The following RBM20 variants were observed in gnomAD, a reference collection of about 807,000 sequenced individuals.
The protein encoded by RBM20 is RNA binding motif protein 20.
A neutral mutation model predicts 110.1 loss-of-function variants in RBM20; 51 were observed. The ratio of observed to expected loss-of-function variants is 0.46; its 90% CI spans 0.37 to 0.59. The LOEUF (loss-of-function observed/expected upper bound fraction) is 0.59. Among genes scored for constraint, RBM20 ranks in the 20% least tolerant of loss-of-function variants. The pLI is 0.00. For missense variants in RBM20, 1,512 were observed against 1,574.9 expected, an observed-to-expected ratio of 0.96 and a Z score of 0.68; for synonymous variants, 589 against 618.2, an observed-to-expected ratio of 0.95 and a Z score of 0.70.
intron 1 of RBM20, among the ~76,000 whole-genome samples, chr10:110,670,144 A>C (rs1862237358): frequency 6.6e-6 from 1 of 152,016 alleles, no homozygotes; most frequent in African/African-American, 2.4e-5. Flanking sequence ...ACAGTTTGTT[A>C]AAGTGGTATC....
intron 1 of RBM20, among the ~76,000 whole-genome samples, chr10:110,685,046 GTGT>G (rs762148644): frequency 6.6e-6 from 1 of 152,226 alleles, no homozygotes; most frequent in Non-Finnish European, 1.5e-5. Flanking sequence ...GCGGTAGAGA[GTGT>G]TGTTTGCGCA....
intron 1 of RBM20, among the ~76,000 whole-genome samples, chr10:110,699,260 CTTTTTT>C (rs5787867): frequency 1.6e-5 from 2 of 123,352 alleles, no homozygotes; most frequent in African/African-American, 3.1e-5. Flanking sequence ...AAAGTGCATT[CTTTTTT>C]TTTTTTTTTT....
chr10:110,715,851 C>A (rs140142568), intron 1 of RBM20, among the ~76,000 whole-genome samples: 59 of 152,268 alleles, frequency 3.9e-4, no homozygotes, highest in Middle Eastern at 3.4e-3. Context: ...GATAGCATCA[C>A]GTCTACTCAC....
At chr10:110,669,597 T>TA (rs1862230834) in intron 1 of RBM20, among the ~76,000 whole-genome samples, 1 of 152,212 alleles carries the variant, frequency 6.6e-6, no homozygotes, top group Non-Finnish European at 1.5e-5. Flanking sequence ...CAGTACTTTT[T>TA]AAAAAATGGA....
intron 1 of RBM20, among the ~76,000 whole-genome samples, chr10:110,733,801 C>T (rs1564829015): frequency 1.3e-5 from 2 of 152,158 alleles, no homozygotes; most frequent in African/African-American, 2.4e-5. Context: ...TAAAGATAAT[C>T]GCCTCTAAAG....
intron 7 of RBM20, among the ~76,000 whole-genome samples, chr10:110,802,551 A>G (rs949303806): frequency 1.3e-5 from 2 of 152,190 alleles, no homozygotes; most frequent in Non-Finnish European, 2.9e-5. Flanking sequence ...TCTCCAAATG[A>G]GATGTTGTCA....
chr10:110,830,314 G>T (rs1845034383), intron 12 of RBM20, among the ~76,000 whole-genome samples: 1 of 152,240 alleles, frequency 6.6e-6, no homozygotes, highest in South Asian at 2.1e-4. Context: ...GGTGGTGCCA[G>T]TTGTTTCCTT....
chr10:110,815,086 G>T (rs1404661656), intron 9 of RBM20, among the ~76,000 whole-genome samples: 1 of 152,220 alleles, frequency 6.6e-6, no homozygotes, highest in Non-Finnish European at 1.5e-5. Context: ...GCTAATAGGT[G>T]TAAAAGTGGC....
At chr10:110,662,538 A>C (rs1230175064) in intron 1 of RBM20, among the ~76,000 whole-genome samples, 1 of 152,266 alleles carries the variant, frequency 6.6e-6, no homozygotes, top group Non-Finnish European at 1.5e-5. Flanking sequence ...AAAACTTGTC[A>C]GCATGTAAAA....
intron 11 of RBM20, among the ~76,000 whole-genome samples, chr10:110,822,275 G>A (rs1005182156): frequency 6.6e-6 from 1 of 152,186 alleles, no homozygotes; most frequent in Admixed American, 6.5e-5. Context: ...GAGGAGCCTC[G>A]TGCCTGCACA....
chr10:110,664,017 A>G (rs1161077651), intron 1 of RBM20, among the ~76,000 whole-genome samples: 1 of 152,244 alleles, frequency 6.6e-6, no homozygotes, highest in Non-Finnish European at 1.5e-5. Flanking sequence ...AAAATCCTGT[A>G]ATTCTAAATT....
rs1167645819 is a variant in RBM20 at position 110,812,589 on chromosome 10, G to A, written c.2192G>A (p.Arg731Lys). ...AELDERPEGG[R>K]PHREKYPRSG... ...TTGGACGAGCGACCAGAAGGAGGGA[G>A]GCCCCACCGGGAGAAGTACCCGAGA... Residue 731 changes from arginine (R) to lysine (K), a missense_variant, in exon 9 of 14, where the codon AGG becomes AAG. Physicochemically the swap from Arg to Lys is conservative, Grantham distance 26. Transcript: ENST00000369519. 1.9e-6 allele frequency: 3 copies of A among 1,551,586 alleles called. No homozygotes were observed. The highest frequency in any genetic ancestry group is 2.6e-6 in the Non-Finnish European group (3 of 1,147,014).
intron 1 of RBM20, among the ~76,000 whole-genome samples, chr10:110,725,353 G>T (rs146487319): frequency 1.2e-3 from 179 of 152,316 alleles, no homozygotes; most frequent in Middle Eastern, 6.8e-3. Context: ...GACCCTTGTG[G>T]GGGACCTGTA....
At chr10:110,831,682 A>AAAAAAAAAAAAAAAAAC (rs1845057003) in intron 13 of RBM20, among the ~76,000 whole-genome samples, 1 of 136,472 alleles carries the variant, frequency 7.3e-6, no homozygotes, top group Non-Finnish European at 1.6e-5. Flanking sequence ...AAAAAAAAAA[A>AAAAAAAAAAAAAAAAAC]AAAAAAAAAC....
intron 1 of RBM20, among the ~76,000 whole-genome samples, chr10:110,684,423 A>G (rs539092827): frequency 4.8e-5 from 7 of 146,116 alleles, no homozygotes; most frequent in Admixed American, 2.1e-4. Context: ...ACAAAACAAA[A>G]CAAAAGAAAA....
intron 1 of RBM20, among the ~76,000 whole-genome samples, chr10:110,718,537 ATTC>A (rs764863974): frequency 2.5e-4 from 33 of 131,890 alleles, no homozygotes; most frequent in Non-Finnish European, 4.5e-4. Flanking sequence ...TATTACATGT[ATTC>A]TTCTATAACT....
chr10:110,816,209 A>G (rs1017555251), intron 9 of RBM20, among the ~76,000 whole-genome samples: 14 of 151,098 alleles, frequency 9.3e-5, no homozygotes, highest in African/African-American at 3.2e-4. Context: ...TCATGGCCAC[A>G]TTCTCTACTG....
At chr10:110,660,547 T>C (rs2134822923) in intron 1 of RBM20, among the ~76,000 whole-genome samples, 1 of 152,330 alleles carries the variant, frequency 6.6e-6, no homozygotes, top group East Asian at 1.9e-4. Flanking sequence ...CTCGCATTAC[T>C]GCCTGAGCTC....
At chr10:110,765,800 C>T (rs1286037796) in intron 1 of RBM20, among the ~76,000 whole-genome samples, 3 of 151,996 alleles carry the variant, frequency 2.0e-5, no homozygotes, top group Non-Finnish European at 2.9e-5. Context: ...AGCTTTTATG[C>T]AGCTTTGCCA....
Sources: allele counts gnomAD v4.1 joint callset (sites outside exome capture counted in the v4.1 genomes callset), GRCh38; gene constraint gnomAD v4.1.1; transcripts MANE v1.5; gene names NCBI Gene and HGNC (gene_info 2026-07-23, HGNC 2026-07-21).